The following LYRM4 variants were observed in gnomAD, a reference collection of about 807,000 sequenced individuals.
LYRM4 encodes the protein LYR motif-containing protein 4.
Under a neutral mutation model 11.7 loss-of-function variants are expected in LYRM4, and 9 were observed. That is an observed-to-expected ratio of 0.77 (90% CI 0.46 to 1.34). The LOEUF (loss-of-function observed/expected upper bound fraction) is 1.34, where lower values mean the gene tolerates loss of function less well. LYRM4 is among the 40% of genes most tolerant of loss of function. The pLI, the probability that LYRM4 is intolerant of heterozygous loss-of-function variation, is 0.00. For missense variants in LYRM4, 133 were observed against 112.5 expected, an observed-to-expected ratio of 1.18 and a Z score of -0.82; for synonymous variants, 42 against 40.4, an observed-to-expected ratio of 1.04 and a Z score of -0.15.
In LYRM4 at chr6:5,216,672, T is replaced by C; in HGVS notation, c.153A>G (p.Glu51=). ...RENKNVKDPV[E]IQTLVNKAKR... is the part of the protein sequence containing the mutation. The stretch of plus-strand genomic sequence containing the variant: ...TGGCTTTATTCACTAGGGTTTGAAT[T>C]TCTACAGGATCCTTTACATTTTTAT... The change falls in exon 2 of 3, where the codon GAA becomes GAG. Residue 51 remains glutamate, a synonymous_variant. Transcript: ENST00000330636. 6.2e-7 allele frequency: 1 copy of C among 1,614,106 alleles called. No homozygotes were observed.
chr6:5,091,169 A>G, the LYRM4 span, among the ~76,000 whole-genome samples: 2 of 152,034 alleles, frequency 1.3e-5, no homozygotes, highest in Non-Finnish European at 2.9e-5. Flanking sequence ...GACCCGATGG[A>G]CTCCTGGAAT....
rs116550025 is a variant in LYRM4, at chr6:5,113,251, G to A, written c.208-3760C>T. The A allele has an allele frequency of 3.1e-3, 1,251 of 406,286 alleles. 6 individuals are homozygous for A. Among genetic ancestry groups the A allele is most frequent in the Middle Eastern group, 8.1e-3 (10 of 1,238 alleles). 25.2% of individuals were successfully genotyped at this position (406,286 alleles called of 1,614,324 possible). On this transcript the variant is annotated intron_variant, in intron 2 of 2. Transcript: ENST00000330636. ...AGTCTGAGACCAGCCTGACCAACAC[G>A]GTGAAACCCTGTCTCTACTAAAAAT...
chr6:5,239,657 A>G (rs1453081407), intron 1 of LYRM4, among the ~76,000 whole-genome samples: 1 of 152,172 alleles, frequency 6.6e-6, no homozygotes, highest in African/African-American at 2.4e-5. Flanking sequence ...GAAAGTGACA[A>G]GAAGGAAGGT....
chr6:5,048,917 C>T, the LYRM4 span, among the ~76,000 whole-genome samples: 1 of 152,156 alleles, frequency 6.6e-6, no homozygotes, highest in Non-Finnish European at 1.5e-5. Context: ...ATTAGCAGGA[C>T]TTGTTCCAGA....
chr6:5,201,721 T>C (rs1489394559), intron 2 of LYRM4, among the ~76,000 whole-genome samples: 1 of 152,208 alleles, frequency 6.6e-6, no homozygotes, highest in Non-Finnish European at 1.5e-5. Context: ...AGAGGCACTC[T>C]GACTTTCAGC....
intron 2 of LYRM4, among the ~76,000 whole-genome samples, chr6:5,118,096 T>TATATATATATATATTTTTTTTTG (rs1554126841): frequency 2.5e-5 from 2 of 78,702 alleles, no homozygotes; most frequent in Non-Finnish European, 2.3e-5. Flanking sequence ...ATATATATAT[T>TATATATATATATATTTTTTTTTG]TTTGTTTTGT....
At chr6:5,058,136 C>T in the LYRM4 span, among the ~76,000 whole-genome samples, 6 of 152,190 alleles carry the variant, frequency 3.9e-5, no homozygotes, top group Non-Finnish European at 5.9e-5. Context: ...TCCCGAGACC[C>T]AGTGTCTCCT....
chr6:5,204,630 CTT>C (rs897141418), intron 2 of LYRM4, among the ~76,000 whole-genome samples: 1 of 152,154 alleles, frequency 6.6e-6, no homozygotes, highest in African/African-American at 2.4e-5. Context: ...ACCCTCTCTC[CTT>C]TTTTTCCCTT....
the LYRM4 span, among the ~76,000 whole-genome samples, chr6:5,062,808 C>T: frequency 1.3e-5 from 2 of 152,208 alleles, no homozygotes; most frequent in Admixed American, 1.3e-4. Flanking sequence ...GAATTAGAAC[C>T]TCATGGGAGA....
chr6:5,178,823 A>AAG (rs1759883140), intron 2 of LYRM4, among the ~76,000 whole-genome samples: 1 of 149,244 alleles, frequency 6.7e-6, no homozygotes, highest in Admixed American at 6.7e-5. Flanking sequence ...AAAAAAAAAA[A>AAG]AAAAAAAAAA....
the LYRM4 span, among the ~76,000 whole-genome samples, chr6:5,053,762 G>T: frequency 4.6e-5 from 7 of 152,212 alleles, no homozygotes; most frequent in Non-Finnish European, 1.0e-4. Flanking sequence ...TAATAGGTCT[G>T]TATGGAGGAA....
intron 2 of LYRM4, among the ~76,000 whole-genome samples, chr6:5,179,079 A>C (rs1294213786): frequency 8.8e-4 from 131 of 149,380 alleles, no homozygotes; most frequent in African/African-American, 3.0e-3. Flanking sequence ...AAAAAAAAAA[A>C]AAAAAAAAAA....
At chr6:5,086,722 A>G in the LYRM4 span, 1 of 632,052 alleles carries the variant, frequency 1.6e-6, no homozygotes, top group South Asian at 2.0e-5. Flanking sequence ...GTCGACTCGC[A>G]CCCCCGCAGA....
At chr6:5,077,348 C>T in the LYRM4 span, among the ~76,000 whole-genome samples, 5 of 152,318 alleles carry the variant, frequency 3.3e-5, no homozygotes, top group East Asian at 5.8e-4. Flanking sequence ...TGGGCAGGCT[C>T]TGTGGACAGG....
chr6:5,057,356 C>T, the LYRM4 span, among the ~76,000 whole-genome samples: 3 of 152,108 alleles, frequency 2.0e-5, no homozygotes, highest in African/African-American at 7.2e-5. Flanking sequence ...CCACCCTTTC[C>T]CTCAACTTTG....
intron 2 of LYRM4, among the ~76,000 whole-genome samples, chr6:5,170,830 T>C (rs371623810): frequency 1.3e-5 from 2 of 152,246 alleles, no homozygotes; most frequent in Admixed American, 1.3e-4. Context: ...AACAAAGATA[T>C]AGGATTCACA....
At chr6:5,242,485 C>T (rs1274012844) in intron 1 of LYRM4, among the ~76,000 whole-genome samples, 3 of 151,228 alleles carry the variant, frequency 2.0e-5, no homozygotes, top group African/African-American at 2.4e-5. Context: ...TTTGGGGGGC[C>T]GAGGCAGGTG....
At chr6:5,252,928 C>T (rs1317749005) in intron 1 of LYRM4, among the ~76,000 whole-genome samples, 1 of 151,978 alleles carries the variant, frequency 6.6e-6, no homozygotes, top group Non-Finnish European at 1.5e-5. Flanking sequence ...GAAGAATAAG[C>T]CCCCAATTAA....
chr6:5,231,504 C>T (rs1763240668), intron 1 of LYRM4, among the ~76,000 whole-genome samples: 2 of 152,276 alleles, frequency 1.3e-5, no homozygotes, highest in South Asian at 4.1e-4. Flanking sequence ...AGTTAAAGGG[C>T]TCTGAATGCT....
Sources: allele counts gnomAD v4.1 joint callset (sites outside exome capture counted in the v4.1 genomes callset), GRCh38; gene constraint gnomAD v4.1.1; transcripts MANE v1.5; gene names NCBI Gene and HGNC (gene_info 2026-07-23, HGNC 2026-07-21).